The following OR5AN1 variants were observed in gnomAD, a reference collection of about 807,000 sequenced individuals.
OR5AN1 encodes the protein olfactory receptor family 5 subfamily AN member 1, also known as olfactory receptor 5AN1.
For missense variants in OR5AN1, 476 were observed against 368.9 expected (o/e 1.29, Z -2.38); for synonymous variants, 167 against 131.8 (o/e 1.27, Z -1.83).
intron 1 of OR5AN1, 37 bp from the exon 2 acceptor site, chr11:59,364,409 T>C: frequency 7.7e-7 from 1 of 1,292,298 alleles, no homozygotes; most frequent in Non-Finnish European, 1.1e-6. Context: ...TTCAACTGAG[T>C]TAGCAATCCA....
rs1374907510 is a variant in OR5AN1, at chr11:59,369,878, T to A, written c.*4484T>A. 6.6e-6 allele frequency: 1 copy of A among 152,172 alleles called. No individual in the cohort carries two copies. Among genetic ancestry groups the A allele is most frequent in the Non-Finnish European group, 1.5e-5 (1 of 68,028 alleles). The allele number at this position is 152,172 out of a possible 1,614,324, so 9.4% of individuals were successfully genotyped here. On this transcript the variant is annotated 3_prime_UTR_variant, in exon 2 of 2. Coordinates refer to ENST00000641998, the MANE Select transcript of OR5AN1 (RefSeq NM_001004729.2). ...AGCTATAAGGAAAGGGTGAGTCATC[T>A]ACAAAGGGATCCCCGTCAGGCTAAC...
chr11:59,361,707 A>C (rs1264864160), intron 1 of OR5AN1, among the ~76,000 whole-genome samples: 1 of 152,184 alleles, frequency 6.6e-6, no homozygotes, highest in African/African-American at 2.4e-5. Context: ...CATGTGCTAA[A>C]CATCGCACAG....
intron 1 of OR5AN1, among the ~76,000 whole-genome samples, chr11:59,363,146 A>T (rs552958744): frequency 5.6e-4 from 85 of 152,340 alleles, no homozygotes; most frequent in South Asian, 1.9e-3. Context: ...ACTCATGATT[A>T]TCTGTAAGCA....
rs1311774935 is a variant in OR5AN1, at chr11:59,368,488, A to C, written c.*3094A>C. 1.3e-5 allele frequency: 2 copies of C among 152,282 alleles called. No individual in the cohort carries two copies. The highest frequency in any genetic ancestry group is 4.8e-5 in the African/African-American group (2 of 41,456). The allele number at this position is 152,282 out of a possible 1,614,324, so 9.4% of individuals were successfully genotyped here. ...CTCCAACTAATGAATGAGCAAAGAC[A>C]CTAAGTGCTTTATCCACACCTCTAA... On this transcript the variant is annotated 3_prime_UTR_variant, in exon 2 of 2. Coordinates refer to ENST00000641998, the MANE Select transcript of OR5AN1 (RefSeq NM_001004729.2).
At chr11:59,360,750 G>T (rs566909950) in intron 1 of OR5AN1, among the ~76,000 whole-genome samples, 9 of 152,238 alleles carry the variant, frequency 5.9e-5, no homozygotes, top group African/African-American at 2.2e-4. Context: ...GAGGATGATG[G>T]CTTCCAGCTC....
rs1857504771 is a variant in OR5AN1, at chr11:59,364,785, A to G, written c.327A>G (p.Gly109=). The stretch of plus-strand genomic sequence containing the variant: ...AGTACTTTATCTTTTCAACGATGGG[A>G]CTGAGTGAGTCTTGTCTCATGACAG... The part of the protein sequence containing the change: ...IIQYFIFSTM[G]LSESCLMTAM... Residue 109 remains glycine (G), a synonymous_variant, in exon 2 of 2, where the codon GGA becomes GGG. Transcript: ENST00000641998. 1 of 1,613,922 alleles carries G rather than the reference A, an allele frequency of 6.2e-7. No homozygotes were observed. Among genetic ancestry groups the G allele is most frequent in the Non-Finnish European group, 8.5e-7 (1 of 1,179,940 alleles).
Position 59,370,328 on chromosome 11 carries a change from A to C in OR5AN1, c.*4934A>C, listed in dbSNP as rs1462494138. ...AGGCACAGAGTGGCAAGCAGGATAA[A>C]AAAGGAAGACCCAATGGTATGCTGT... On this transcript the variant is annotated 3_prime_UTR_variant, in exon 2 of 2. Transcript: ENST00000641998. 1 of 152,200 alleles carries C rather than the reference A, an allele frequency of 6.6e-6. No individual in the cohort carries two copies. The highest frequency in any genetic ancestry group is 6.5e-5 in the Admixed American group (1 of 15,284). 9.4% of individuals were successfully genotyped at this position (152,200 alleles called of 1,614,324 possible).
At chr11:59,361,654 G>A (rs1227985329) in intron 1 of OR5AN1, among the ~76,000 whole-genome samples, 2 of 152,098 alleles carry the variant, frequency 1.3e-5, no homozygotes, top group African/African-American at 2.4e-5. Context: ...ATGATTATCA[G>A]CTTCACATAT....
Position 59,366,756 on chromosome 11 carries a change from C to T in OR5AN1, c.*1362C>T, listed in dbSNP as rs193190599. On this transcript the variant is annotated 3_prime_UTR_variant, in exon 2 of 2. Transcript: ENST00000641998. ...ACCCCAGCATATAATAAACGCTATA[C>T]GTGAATCATGTATTATTATTTATTA... 2.0e-5 allele frequency: 3 copies of T among 152,280 alleles called. No individual in the cohort carries two copies. Among genetic ancestry groups the T allele is most frequent in the Admixed American group, 6.5e-5 (1 of 15,296 alleles). 9.4% of individuals were successfully genotyped at this position (152,280 alleles called of 1,614,324 possible).
At chr11:59,362,713 T>A (rs934459529) in intron 1 of OR5AN1, among the ~76,000 whole-genome samples, 16 of 152,258 alleles carry the variant, frequency 1.1e-4, no homozygotes, top group Non-Finnish European at 2.1e-4. Flanking sequence ...GCAGAGTGAA[T>A]GTACACTATC....
At position 59,366,558 on chromosome 11, in the gene OR5AN1, A is replaced by G. The variant is rs1249594293; in HGVS notation, c.*1164A>G. 6.6e-6 allele frequency: 1 copy of G among 152,150 alleles called. No individual in the cohort carries two copies. Among genetic ancestry groups the G allele is most frequent in the African/African-American group, 2.4e-5 (1 of 41,456 alleles). 9.4% of individuals were successfully genotyped at this position (152,150 alleles called of 1,614,324 possible). A position where few individuals can be genotyped will look rare whatever the true frequency, so the allele number is the denominator to read the frequency against. On this transcript the variant is annotated 3_prime_UTR_variant, in exon 2 of 2. Coordinates refer to ENST00000641998, the MANE Select transcript of OR5AN1 (RefSeq NM_001004729.2). ...AAAATTAAAAATTTTCTCCTTGTCC[A>G]AACTGCCTGGCGTAAAATTCAGGCT...
rs1387359873 is a variant in OR5AN1 at position 59,369,239 on chromosome 11, G to C, written c.*3845G>C. On this transcript the variant is annotated 3_prime_UTR_variant, in exon 2 of 2. Transcript: ENST00000641998. ...ATATGTCCTCCAAATGATCACACCA[G>C]TTCTCCAGCAAAGGTCCTTAACCAG... The C allele has an allele frequency of 6.6e-6, 1 of 151,690 alleles. No individual in the cohort carries two copies. The highest frequency in any genetic ancestry group is 1.5e-5 in the Non-Finnish European group (1 of 67,980). The allele number at this position is 151,690 out of a possible 1,614,324, so 9.4% of individuals were successfully genotyped here. A position where few individuals can be genotyped will look rare whatever the true frequency, so the allele number is the denominator to read the frequency against.
rs1447379227 is a variant in OR5AN1, at chr11:59,371,503, T to A, written c.*6109T>A. On this transcript the variant is annotated 3_prime_UTR_variant, in exon 2 of 2. Transcript: ENST00000641998. The stretch of plus-strand genomic sequence containing the variant: ...ACGGTACAGCTAAGGCTAACCTGCA[T>A]CTATGCTCCAGCTTCCAGGACTCCT... 1 of 152,204 alleles carries A rather than the reference T, an allele frequency of 6.6e-6. No homozygotes were observed. The highest frequency in any genetic ancestry group is 2.4e-5 in the African/African-American group (1 of 41,460). The allele number at this position is 152,204 out of a possible 1,614,324, so 9.4% of individuals were successfully genotyped here.
chr11:59,364,151 T>C (rs1348632840), intron 1 of OR5AN1, among the ~76,000 whole-genome samples: 1 of 152,254 alleles, frequency 6.6e-6, no homozygotes, highest in Non-Finnish European at 1.5e-5. Context: ...TAGTGATCTT[T>C]ACCTTATACG....
At chr11:59,360,720 T>C (rs1228045465) in intron 1 of OR5AN1, among the ~76,000 whole-genome samples, 1 of 152,188 alleles carries the variant, frequency 6.6e-6, no homozygotes, top group East Asian at 1.9e-4. Flanking sequence ...CTGAGGATAA[T>C]GACTCTGCAT....
rs2134484905 is a variant in OR5AN1, at chr11:59,365,127, C to T, written c.669C>T (p.Gly223=). 1.2e-6 allele frequency: 2 copies of T among 1,614,078 alleles called. No homozygotes were observed. Among genetic ancestry groups the T allele is most frequent in the South Asian group, 1.1e-5 (1 of 91,080 alleles). The change falls in exon 2 of 2, where the codon GGC becomes GGT. Residue 223 remains glycine, a synonymous_variant. Transcript: ENST00000641998. ...TCATGATATCCTATGGCTATATTGG[C>T]ATCTCCATCATGAAGATCACTTCAG... The part of the protein sequence containing the change: ...LVIMISYGYI[G]ISIMKITSAK...
intron 1 of OR5AN1, among the ~76,000 whole-genome samples, chr11:59,363,130 C>T (rs73480612): frequency 6.6e-6 from 1 of 152,310 alleles, no homozygotes; most frequent in African/African-American, 2.4e-5. Flanking sequence ...CACAGGTATA[C>T]CTGTCACTCA....
At chr11:59,362,111 T>C (rs1857471422) in intron 1 of OR5AN1, among the ~76,000 whole-genome samples, 1 of 152,122 alleles carries the variant, frequency 6.6e-6, no homozygotes, top group Admixed American at 6.6e-5. Flanking sequence ...TAGAATTACC[T>C]TGTGCACTCA....
chr11:59,362,022 GA>G (rs1404221954), intron 1 of OR5AN1, among the ~76,000 whole-genome samples: 1 of 151,910 alleles, frequency 6.6e-6, no homozygotes, highest in Admixed American at 6.6e-5. Context: ...CAGAGAGAGA[GA>G]AGAGAGCGGG....
Sources: gnomAD v4.1 joint callset for allele counts (sites outside exome capture counted in the v4.1 genomes callset) on GRCh38, gnomAD v4.1.1 for gene constraint, MANE v1.5 for transcripts, NCBI Gene and HGNC (gene_info 2026-07-23, HGNC 2026-07-21) for gene names.